SLC35A3: variants seen among roughly 807,000 people sequenced by gnomAD.
SLC35A3 encodes solute carrier family 35 member A3, also known as UDP-N-acetylglucosamine transporter.
In SLC35A3, 26 loss-of-function variants were observed where a neutral mutation model predicts 39.0. The observed-to-expected ratio is 0.67, with a 90% CI of 0.49 to 0.92. The LOEUF (loss-of-function observed/expected upper bound fraction) is 0.92, where lower values mean the gene tolerates loss of function less well. Ranked by LOEUF, SLC35A3 falls within the 40% of genes least tolerant of loss-of-function variation. The probability of loss-of-function intolerance (pLI) is 0.00; values close to 1 mark genes in which losing one functional copy is unlikely to be tolerated. For missense variants in SLC35A3, 299 were observed against 371.6 expected (o/e 0.80, Z 1.61); for synonymous variants, 135 against 133.1 (o/e 1.01, Z -0.10).
At chr1:99,988,084 A>G (rs1657853756) in intron 1 of SLC35A3, among the ~76,000 whole-genome samples, 1 of 152,226 alleles carries the variant, frequency 6.6e-6, no homozygotes, top group African/African-American at 2.4e-5. Context: ...AAAATCCACA[A>G]TTCAGTGAAT....
intron 3 of SLC35A3, chr1:100,000,566 A>G (rs956011897): frequency 5.9e-5 from 9 of 151,980 alleles, no homozygotes; most frequent in Admixed American, 1.3e-4. Context: ...TTAGTTTAAT[A>G]TAGTTCCATT....
At chr1:99,986,574 A>T (rs1657753986) in intron 1 of SLC35A3, among the ~76,000 whole-genome samples, 1 of 151,522 alleles carries the variant, frequency 6.6e-6, no homozygotes, top group Admixed American at 6.6e-5. Flanking sequence ...TTTAATTTTT[A>T]TTTATTTATT....
intron 3 of SLC35A3, among the ~76,000 whole-genome samples, chr1:100,004,508 C>T (rs1659061268): frequency 6.6e-6 from 1 of 151,876 alleles, no homozygotes; most frequent in South Asian, 2.1e-4. Context: ...GTCATGTTTC[C>T]CAGGGCTGGT....
At chr1:99,975,287 T>C (rs865893687) in intron 1 of SLC35A3, among the ~76,000 whole-genome samples, 1 of 152,128 alleles carries the variant, frequency 6.6e-6, no homozygotes, top group Non-Finnish European at 1.5e-5. Context: ...GAAGAGATCA[T>C]TCTCCCACAA....
intron 4 of SLC35A3, chr1:100,009,485 T>C (rs1448210300): frequency 6.6e-6 from 1 of 152,260 alleles, no homozygotes; most frequent in Admixed American, 6.5e-5. Flanking sequence ...TCTTCAGTAT[T>C]GAGCCAGGAG....
Position 100,023,422 on chromosome 1 carries a change from TAGAA to T in SLC35A3, c.*949_*952del, listed in dbSNP as rs949719965. On this transcript the variant is annotated 3_prime_UTR_variant, in exon 8 of 8. Transcript: ENST00000533028. ...CTATCAAGCATATACTGTATACAGT[TAGAA>T]AGTTATTAAATGAACATTTTACTCA... 1 of 152,256 alleles carries T rather than the reference TAGAA, an allele frequency of 6.6e-6. No homozygotes were observed. Among genetic ancestry groups the T allele is most frequent in the Non-Finnish European group, 1.5e-5 (1 of 68,050 alleles). 9.4% of individuals were successfully genotyped at this position (152,256 alleles called of 1,614,324 possible).
rs1436295205 is a variant in SLC35A3, at chr1:100,032,158, T to A, written c.*9682T>A. On this transcript the variant is annotated 3_prime_UTR_variant, in exon 8 of 8. Coordinates refer to ENST00000533028, the MANE Select transcript of SLC35A3 (RefSeq NM_012243.3). ...GATGACTACCCCATTGTAAAGGTTA[T>A]TGTAAAGTTCTCCCTGTGGTAAAGG... 6.6e-6 allele frequency: 1 copy of A among 152,220 alleles called. No individual in the cohort carries two copies. The highest frequency in any genetic ancestry group is 6.5e-5 in the Admixed American group (1 of 15,280). 9.4% of individuals were successfully genotyped at this position (152,220 alleles called of 1,614,324 possible).
At chr1:99,992,041 C>G (rs1027900317) in intron 1 of SLC35A3, among the ~76,000 whole-genome samples, 3 of 152,180 alleles carry the variant, frequency 2.0e-5, no homozygotes, top group Non-Finnish European at 4.4e-5. Context: ...GCCACTGCAC[C>G]CAGCCAGGTA....
intron 1 of SLC35A3, among the ~76,000 whole-genome samples, chr1:99,987,484 A>T (rs868461891): frequency 6.6e-6 from 1 of 152,140 alleles, no homozygotes; most frequent in African/African-American, 2.4e-5. Context: ...ACCATTAAAA[A>T]TTTTATCCTT....
chr1:99,990,006 C>T (rs1288941839), intron 1 of SLC35A3, among the ~76,000 whole-genome samples: 1 of 152,144 alleles, frequency 6.6e-6, no homozygotes. Context: ...ATCCTCCTGC[C>T]CCAGCCTCTC....
At chr1:100,003,982 CT>C (rs1351035264) in intron 3 of SLC35A3, among the ~76,000 whole-genome samples, 1 of 152,136 alleles carries the variant, frequency 6.6e-6, no homozygotes, top group Non-Finnish European at 1.5e-5. Flanking sequence ...CTCTCTATCC[CT>C]TTACTTTCGT....
chr1:99,998,323 TAA>T (rs898530870), intron 2 of SLC35A3, among the ~76,000 whole-genome samples: 1 of 151,774 alleles, frequency 6.6e-6, no homozygotes, highest in African/African-American at 2.4e-5. Flanking sequence ...CCCAGCTAGT[TAA>T]AAAAAAATTT....
At chr1:99,988,627 C>T (rs1657890709) in intron 1 of SLC35A3, among the ~76,000 whole-genome samples, 1 of 136,704 alleles carries the variant, frequency 7.3e-6, no homozygotes, top group Admixed American at 7.5e-5. Context: ...TCCCTCCCCT[C>T]CCCTCCTCTT....
chr1:99,993,479 A>G (rs1211136309), intron 1 of SLC35A3, 58 bp from the exon 2 acceptor site: 3 of 1,427,558 alleles, frequency 2.1e-6, no homozygotes, highest in Admixed American at 1.9e-5. Context: ...GTTTTTAAAT[A>G]TACTAGTTTT....
At chr1:100,006,017 T>C (rs1195353684) in intron 3 of SLC35A3, among the ~76,000 whole-genome samples, 1 of 152,220 alleles carries the variant, frequency 6.6e-6, no homozygotes, top group East Asian at 1.9e-4. Context: ...TTCTCACAGA[T>C]ATATGCATAA....
intron 2 of SLC35A3, among the ~76,000 whole-genome samples, chr1:99,994,945 C>G (rs1320813186): frequency 6.6e-6 from 1 of 152,158 alleles, no homozygotes; most frequent in Non-Finnish European, 1.5e-5. Flanking sequence ...GTTCCTGTTT[C>G]TTCACATCTT....
intron 3 of SLC35A3, among the ~76,000 whole-genome samples, chr1:100,003,802 G>A (rs1256234074): frequency 6.6e-5 from 10 of 152,198 alleles, no homozygotes; most frequent in Admixed American, 5.2e-4. Flanking sequence ...TCTAGGTGCT[G>A]CAGAGTTGGG....
chr1:100,026,960 C>T lies in SLC35A3; in HGVS notation c.*4484C>T. 1 of 381,368 alleles carries T rather than the reference C, an allele frequency of 2.6e-6. No individual in the cohort carries two copies. 23.6% of individuals were successfully genotyped at this position (381,368 alleles called of 1,614,324 possible). ...TAGATTTATTGAAATAGATTATTTT[C>T]ATAAAGAACTCTATACAAATCTTTT... On this transcript the variant is annotated 3_prime_UTR_variant, in exon 8 of 8. Coordinates refer to ENST00000533028, the MANE Select transcript of SLC35A3 (RefSeq NM_012243.3).
intron 1 of SLC35A3, among the ~76,000 whole-genome samples, chr1:99,982,382 A>G (rs906530664): frequency 3.3e-5 from 3 of 91,266 alleles, no homozygotes; most frequent in Admixed American, 1.1e-4. Flanking sequence ...TAGATCTGTA[A>G]TGCAATTAAT....
Sources: allele counts gnomAD v4.1 joint callset (sites outside exome capture counted in the v4.1 genomes callset), GRCh38; gene constraint gnomAD v4.1.1; transcripts MANE v1.5; gene names NCBI Gene and HGNC (gene_info 2026-07-23, HGNC 2026-07-21).